The following LRP1B variants were observed in gnomAD, a reference collection of about 807,000 sequenced individuals.
LRP1B encodes the protein LDL receptor related protein 1B.
In LRP1B, 217 loss-of-function variants were observed where a neutral mutation model predicts 556.6. The observed-to-expected ratio is 0.39, with a 90% confidence interval of 0.35 to 0.44. LRP1B has a LOEUF of 0.44. LRP1B is among the 20% of genes least tolerant of loss of function. The pLI, the probability that LRP1B is intolerant of heterozygous loss-of-function variation, is 1.00. For synonymous variants in LRP1B, 2,047 were observed against 1,865.8 expected (o/e 1.10, Z -2.50); for missense variants, 5,053 against 5,620.8 (o/e 0.90, Z 3.23).
intron 1 of LRP1B, among the ~76,000 whole-genome samples, chr2:141,910,779 G>A (rs149873041): frequency 1.3e-5 from 2 of 152,088 alleles, no homozygotes; most frequent in East Asian, 1.9e-4. Flanking sequence ...AAGGACTTAC[G>A]TGTTGCTTTT....
rs143823735 is a variant in LRP1B, at chr2:140,509,050, G to A, written c.8398+878C>T. Among the ~76,000 whole-genome samples the A allele has an allele frequency of 2.0e-4, 28 of 141,022 alleles. No homozygotes were observed. The East Asian group carries it at 2.6e-3, about 13-fold the overall frequency. 92.5% of individuals were successfully genotyped at this position (141,022 alleles called of 152,430 possible). On this transcript the variant is annotated intron_variant, in intron 52 of 90. Transcript: ENST00000389484. ...CTTTTCTACTTTAACTATTCCTCAC[G>A]TACATACCCCTGCACACACACACAC...
At chr2:140,531,174 C>T (rs1690675333) in intron 47 of LRP1B, among the ~76,000 whole-genome samples, 3 of 152,076 alleles carry the variant, frequency 2.0e-5, no homozygotes, top group African/African-American at 7.2e-5. Context: ...TTTGATGAAT[C>T]TTGCCTTAAA....
intron 1 of LRP1B, among the ~76,000 whole-genome samples, chr2:141,851,310 A>G (rs1042472171): frequency 1.3e-5 from 2 of 151,866 alleles, no homozygotes; most frequent in African/African-American, 4.8e-5. Flanking sequence ...AAAGGTCAAG[A>G]GGTTGTCACC....
At chr2:141,492,091 A>AAAAAAAAAAAAC (rs67960557) in intron 2 of LRP1B, among the ~76,000 whole-genome samples, 28,183 of 99,794 alleles carry the variant, frequency 0.28, 5,703 homozygotes, top group Non-Finnish European at 0.34. Context: ...AAAAAAAAAA[A>AAAAAAAAAAAAC]CACTAAGAAA....
At chr2:140,483,861 G>A (rs984056837) in intron 59 of LRP1B, among the ~76,000 whole-genome samples, 14 of 151,510 alleles carry the variant, frequency 9.2e-5, no homozygotes, top group South Asian at 8.3e-4. Context: ...GGCTGGTCTC[G>A]AACTCCTGAC....
At chr2:140,782,286 CTG>C (rs1222386863) in intron 32 of LRP1B, among the ~76,000 whole-genome samples, 1 of 152,166 alleles carries the variant, frequency 6.6e-6, no homozygotes. Context: ...GTACTTCAGA[CTG>C]AGACTGTATT....
intron 3 of LRP1B, among the ~76,000 whole-genome samples, chr2:141,477,145 A>C (rs866550262): frequency 1.8e-5 from 2 of 111,840 alleles, no homozygotes; most frequent in African/African-American, 6.2e-5. Context: ...AACAAACAAA[A>C]AAAACCCCAA....
intron 66 of LRP1B, among the ~76,000 whole-genome samples, chr2:140,413,502 G>C (rs1685051411): frequency 6.6e-6 from 1 of 152,126 alleles, no homozygotes; most frequent in African/African-American, 2.4e-5. Context: ...ACCTTGCCTT[G>C]TCTGAGACAT....
intron 2 of LRP1B, among the ~76,000 whole-genome samples, chr2:141,691,453 A>G (rs964026147): frequency 1.7e-5 from 1 of 59,446 alleles, no homozygotes; most frequent in Non-Finnish European, 3.2e-5. Context: ...AAAGTTGGCC[A>G]GGTAATCAGC....
intron 1 of LRP1B, among the ~76,000 whole-genome samples, chr2:141,927,752 G>A (rs1700372571): frequency 1.3e-5 from 2 of 151,906 alleles, no homozygotes; most frequent in Admixed American, 1.3e-4. Context: ...TGAAAAGACT[G>A]ATGGAAGAAT....
At chr2:141,875,774 T>G (rs1010806673) in intron 1 of LRP1B, among the ~76,000 whole-genome samples, 15 of 151,930 alleles carry the variant, frequency 9.9e-5, no homozygotes, top group African/African-American at 3.1e-4. Flanking sequence ...ACTAAGATTG[T>G]GTGTCTGTGT....
intron 7 of LRP1B, among the ~76,000 whole-genome samples, chr2:141,067,042 C>CTTTATT (rs1051175313): frequency 6.6e-6 from 1 of 151,876 alleles, no homozygotes; most frequent in Non-Finnish European, 1.5e-5. Context: ...GCATTAGGAA[C>CTTTATT]TTTATTTTTT....
intron 68 of LRP1B, among the ~76,000 whole-genome samples, chr2:140,375,822 CCA>C (rs1683203401): frequency 2.6e-5 from 4 of 151,846 alleles, no homozygotes; most frequent in Admixed American, 1.3e-4. Flanking sequence ...TCTGTGTGTG[CCA>C]CAGAGATAAA....
chr2:140,695,959 C>A lies in LRP1B; in HGVS notation c.6799+4291G>T, dbSNP rs185925587. 4.5e-4 allele frequency among the ~76,000 whole-genome samples: 68 copies of A among 152,286 alleles called. No homozygotes were observed. In the East Asian group the frequency reaches 0.012, roughly 26 times the overall value. Reference sequence around the variant, plus strand: ...TAAAGAAGAAAGCCTTTATCCCATCCATTTCTTATATTCAGCTATATGAAG... The same window carrying A: ...TAAAGAAGAAAGCCTTTATCCCATCAATTTCTTATATTCAGCTATATGAAG... On this transcript the variant is annotated intron_variant, in intron 41 of 90. Transcript: ENST00000389484.
chr2:142,103,041 G>A (rs2104972854), intron 1 of LRP1B, among the ~76,000 whole-genome samples: 1 of 151,918 alleles, frequency 6.6e-6, no homozygotes, highest in South Asian at 2.1e-4. Flanking sequence ...CTTTGTATTT[G>A]GGTGAGCAGA....
At chr2:140,737,843 G>C (rs1322577978) in intron 35 of LRP1B, among the ~76,000 whole-genome samples, 1 of 152,190 alleles carries the variant, frequency 6.6e-6, no homozygotes, top group Non-Finnish European at 1.5e-5. Flanking sequence ...GGCTTCCAGA[G>C]CCTTAATCAC....
At chr2:141,636,420 T>A (rs1689110630) in intron 2 of LRP1B, among the ~76,000 whole-genome samples, 1 of 152,132 alleles carries the variant, frequency 6.6e-6, no homozygotes, top group Non-Finnish European at 1.5e-5. Flanking sequence ...GAAAATGAGA[T>A]AAATGTTCAT....
intron 35 of LRP1B, among the ~76,000 whole-genome samples, chr2:140,748,048 G>A (rs1688376564): frequency 1.4e-5 from 2 of 138,676 alleles, no homozygotes; most frequent in Non-Finnish European, 3.0e-5. Context: ...GATACCAAGA[G>A]CTGTTAACAC....
intron 7 of LRP1B, among the ~76,000 whole-genome samples, chr2:141,141,122 C>T (rs754948900): frequency 1.3e-4 from 19 of 151,964 alleles, no homozygotes; most frequent in Non-Finnish European, 2.5e-4. Context: ...TTAATTAAAA[C>T]GTCTGAAACA....
Sources: gnomAD v4.1 joint callset for allele counts (sites outside exome capture counted in the v4.1 genomes callset) on GRCh38, gnomAD v4.1.1 for gene constraint, MANE v1.5 for transcripts, NCBI Gene and HGNC (gene_info 2026-07-23, HGNC 2026-07-21) for gene names.